Variants in TBXAS1 observed in about 807,000 individuals in gnomAD.
TBXAS1 encodes thromboxane A synthase 1.
Under a neutral mutation model 60.7 loss-of-function variants are expected in TBXAS1, and 48 were observed. The observed-to-expected ratio is 0.79, with a 90% CI of 0.63 to 1.01. The LOEUF is 1.01. Ranked by LOEUF, TBXAS1 falls within the 50% of genes least tolerant of loss-of-function variation. The pLI is 0.00. For synonymous variants in TBXAS1, 287 were observed against 269.7 expected (o/e 1.06, Z -0.63); for missense variants, 685 against 686.3 (o/e 1.00, Z 0.02).
intron 8 of TBXAS1, among the ~76,000 whole-genome samples, 200 bp downstream of exon 8, chr7:139,957,964 C>T (rs1022442423): frequency 3.3e-5 from 5 of 152,028 alleles, no homozygotes; most frequent in Non-Finnish European, 7.4e-5. Context: ...GAGGGTGGGA[C>T]GGCAGAGAGA....
chr7:139,874,689 C>G (rs948728353), intron 2 of TBXAS1, among the ~76,000 whole-genome samples: 8 of 152,270 alleles, frequency 5.3e-5, no homozygotes, highest in South Asian at 2.1e-4. Flanking sequence ...ATTTGCCACC[C>G]CCCACACCCA....
intron 1 of TBXAS1, among the ~76,000 whole-genome samples, chr7:139,871,527 G>C (rs2116805667): frequency 1.3e-5 from 2 of 152,256 alleles, no homozygotes; most frequent in Non-Finnish European, 2.9e-5. Context: ...CCAATGTTTT[G>C]ACAGCCACAC....
chr7:140,018,882 G>A (rs1815309077), intron 12 of TBXAS1, among the ~76,000 whole-genome samples: 1 of 152,142 alleles, frequency 6.6e-6, no homozygotes, highest in South Asian at 2.1e-4. Flanking sequence ...AGCCAGAGAT[G>A]AGAGAAACGG....
intron 7 of TBXAS1, among the ~76,000 whole-genome samples, chr7:139,956,880 T>G (rs1245171578): frequency 6.6e-6 from 1 of 152,252 alleles, no homozygotes; most frequent in Non-Finnish European, 1.5e-5. Context: ...GTTCGGACTC[T>G]GGCTCTTGAA....
chr7:139,958,083 C>A (rs906146341), intron 8 of TBXAS1, among the ~76,000 whole-genome samples: 11 of 152,152 alleles, frequency 7.2e-5, no homozygotes, highest in African/African-American at 2.7e-4. Flanking sequence ...TAGAATAGCC[C>A]AGAAGAATTT....
intron 2 of TBXAS1, 134 bp from the exon 3 acceptor site, chr7:139,875,451 A>C (rs1003867864): frequency 1.3e-6 from 1 of 785,714 alleles, no homozygotes; most frequent in Non-Finnish European, 2.1e-6. Flanking sequence ...AGTACCTGAA[A>C]GCAATATAAC....
chr7:139,965,561 G>A (rs1810720554), intron 9 of TBXAS1, among the ~76,000 whole-genome samples: 2 of 152,132 alleles, frequency 1.3e-5, no homozygotes, highest in African/African-American at 4.8e-5. Context: ...TGTTTCCAGT[G>A]ATTCTGATGC....
At chr7:139,950,687 C>G (rs961813447) in intron 5 of TBXAS1, among the ~76,000 whole-genome samples, 3 of 148,484 alleles carry the variant, frequency 2.0e-5, no homozygotes, top group African/African-American at 7.3e-5. Context: ...GGGACCCCCT[C>G]GCCCTCCATC....
At chr7:139,871,546 T>TC (rs1801825401) in intron 1 of TBXAS1, among the ~76,000 whole-genome samples, 1 of 152,228 alleles carries the variant, frequency 6.6e-6, no homozygotes, top group Non-Finnish European at 1.5e-5. Context: ...ACTGCACTTC[T>TC]CAGACTGCCG....
intron 4 of TBXAS1, among the ~76,000 whole-genome samples, chr7:139,928,176 C>T (rs1052933663): frequency 2.0e-5 from 3 of 152,094 alleles, no homozygotes; most frequent in Non-Finnish European, 2.9e-5. Context: ...ATTGATAGTT[C>T]ACTGAAAGTT....
chr7:139,875,737 AT>A, intron 3 of TBXAS1, 100 bp downstream of exon 3: 7 of 1,423,708 alleles, frequency 4.9e-6, no homozygotes, highest in Non-Finnish European at 6.9e-6. Context: ...AAATGCCAAG[AT>A]TAGGAATGTT....
At chr7:139,782,182 A>C (rs1797022804) in intron 2 of TBXAS1, among the ~76,000 whole-genome samples, 1 of 149,980 alleles carries the variant, frequency 6.7e-6, no homozygotes, top group African/African-American at 2.5e-5. Flanking sequence ...TAAGGAGTTT[A>C]ATCAATCATT....
At chr7:139,799,738 C>A (rs1346720235) in intron 4 of TBXAS1, among the ~76,000 whole-genome samples, 2 of 152,144 alleles carry the variant, frequency 1.3e-5, no homozygotes, top group African/African-American at 4.8e-5. Context: ...AGCCCAGGTC[C>A]TCATTTATTG....
At chr7:139,985,941 G>C (rs1226984769) in intron 9 of TBXAS1, among the ~76,000 whole-genome samples, 1 of 152,238 alleles carries the variant, frequency 6.6e-6, no homozygotes. Flanking sequence ...CCAGGAGCCT[G>C]TTCCCAACAT....
At chr7:139,888,164 C>T (rs1803262900) in intron 3 of TBXAS1, among the ~76,000 whole-genome samples, 1 of 152,200 alleles carries the variant, frequency 6.6e-6, no homozygotes, top group Admixed American at 6.5e-5. Flanking sequence ...ATTCAGTTTG[C>T]TTTAATAAAT....
At chr7:139,954,462 A>G (rs1809676871) in intron 6 of TBXAS1, among the ~76,000 whole-genome samples, 1 of 152,236 alleles carries the variant, frequency 6.6e-6, no homozygotes, top group Non-Finnish European at 1.5e-5. Context: ...GGAAACGTGT[A>G]ATCAGTTGTA....
intron 4 of TBXAS1, among the ~76,000 whole-genome samples, chr7:139,926,323 C>T (rs530121369): frequency 1.3e-5 from 2 of 152,228 alleles, no homozygotes; most frequent in Admixed American, 6.5e-5. Flanking sequence ...GCTTTGATTT[C>T]ATTACTTGTT....
At chr7:139,980,431 C>T (rs187021265) in intron 9 of TBXAS1, among the ~76,000 whole-genome samples, 71 of 152,234 alleles carry the variant, frequency 4.7e-4, no homozygotes, top group Non-Finnish European at 8.4e-4. Context: ...AACTTGGTTA[C>T]ACATTTCCAG....
At chr7:139,939,639 T>A (rs117306057) in intron 5 of TBXAS1, among the ~76,000 whole-genome samples, 2,281 of 151,912 alleles carry the variant, frequency 0.015, 17 homozygotes, top group East Asian at 0.04. Context: ...CAAGAAGAAG[T>A]TGGCTGTGCA....
Sources: gnomAD v4.1 joint callset for allele counts (sites outside exome capture counted in the v4.1 genomes callset) on GRCh38, gnomAD v4.1.1 for gene constraint, MANE v1.5 for transcripts, NCBI Gene and HGNC (gene_info 2026-07-23, HGNC 2026-07-21) for gene names.